The following STRBP variants were observed in gnomAD, a reference collection of about 807,000 sequenced individuals.
STRBP encodes spermatid perinuclear RNA binding protein.
STRBP carries 13 observed loss-of-function variants against 80.1 expected under a neutral mutation model. That is an observed-to-expected ratio of 0.16 (90% CI 0.11 to 0.26). The LOEUF (loss-of-function observed/expected upper bound fraction) is 0.26. STRBP is among the 10% of genes least tolerant of loss of function. The probability of loss-of-function intolerance (pLI) is 1.00; values close to 1 mark genes in which losing one functional copy is unlikely to be tolerated. For missense variants in STRBP, 485 were observed against 815.2 expected (o/e 0.59, Z 4.93); for synonymous variants, 284 against 291.2 (o/e 0.98, Z 0.25).
chr9:123,128,844 C>T (rs968873294), intron 17 of STRBP, among the ~76,000 whole-genome samples: 2 of 152,206 alleles, frequency 1.3e-5, no homozygotes, highest in Non-Finnish European at 2.9e-5. Context: ...GCTGATATTT[C>T]AATTTCTGGC....
At chr9:123,177,237 C>G (rs2038259605) in intron 4 of STRBP, among the ~76,000 whole-genome samples, 1 of 152,160 alleles carries the variant, frequency 6.6e-6, no homozygotes, top group Non-Finnish European at 1.5e-5. Flanking sequence ...AACGGAAAGA[C>G]TGTACATAGA....
intron 14 of STRBP, among the ~76,000 whole-genome samples, chr9:123,138,027 CAT>C (rs1335805434): frequency 1.3e-5 from 2 of 152,076 alleles, no homozygotes; most frequent in African/African-American, 4.8e-5. Context: ...TGAGTCGAGA[CAT>C]AAAAATATCT....
chr9:123,128,770 C>G (rs1459580436), intron 17 of STRBP, among the ~76,000 whole-genome samples: 1 of 152,202 alleles, frequency 6.6e-6, no homozygotes. Flanking sequence ...AGGCTGAGGT[C>G]TCAATGGCCA....
At chr9:123,157,974 G>T in intron 11 of STRBP, 38 bp downstream of exon 11, 1 of 1,443,064 alleles carries the variant, frequency 6.9e-7, no homozygotes, top group Non-Finnish European at 9.7e-7. Flanking sequence ...CTCTACCAGT[G>T]CCAACCCCCA....
chr9:123,268,124 A>T (rs1331203082), intron 1 of STRBP, among the ~76,000 whole-genome samples: 1 of 146,210 alleles, frequency 6.8e-6, no homozygotes, highest in Admixed American at 6.7e-5. Context: ...GCGTCCCCCA[A>T]CCCTGCCCAC....
At position 123,184,229 on chromosome 9, in the gene STRBP, T is replaced by A; in HGVS notation, c.-95A>T. On this transcript the variant is annotated 5_prime_UTR_variant, in exon 3 of 19. It removes an upstream start codon present in the reference 5' UTR. Coordinates refer to ENST00000348403, the MANE Select transcript of STRBP (RefSeq NM_018387.5). ...TGTTTTGTGTAACAATACCTCCTCA[T>A]AAGCCTGAGTCCCCTGACAGCTCAG... 1.6e-6 allele frequency: 2 copies of A among 1,267,154 alleles called. No individual in the cohort carries two copies. Among genetic ancestry groups the A allele is most frequent in the Non-Finnish European group, 2.2e-6 (2 of 891,772 alleles). 78.5% of individuals were successfully genotyped at this position (1,267,154 alleles called of 1,614,324 possible).
intron 6 of STRBP, among the ~76,000 whole-genome samples, chr9:123,165,442 G>A (rs2037713941): frequency 6.6e-6 from 1 of 152,052 alleles, no homozygotes; most frequent in Non-Finnish European, 1.5e-5. Flanking sequence ...TGCCAAGAAG[G>A]GCGAGTTCAC....
In STRBP at chr9:123,229,625, A is replaced by T. The variant is rs896912947; in HGVS notation, c.-165+7205T>A. Among the ~76,000 whole-genome samples, 7 of 152,224 alleles carry T rather than the reference A, an allele frequency of 4.6e-5. 1 individual carries two copies. Among genetic ancestry groups the T allele is most frequent in the African/African-American group, 7.2e-5 (3 of 41,470 alleles). On this transcript the variant is annotated intron_variant, in intron 2 of 18. Coordinates refer to ENST00000348403, the MANE Select transcript of STRBP (RefSeq NM_018387.5). ...GTTGATAGAGGATAATATCTAATAC[A>T]CAAGTGAAGAGCTTGTTTTTGATAG...
chr9:123,167,288 T>C (rs1428059712), intron 6 of STRBP, among the ~76,000 whole-genome samples: 1 of 152,098 alleles, frequency 6.6e-6, no homozygotes, highest in Non-Finnish European at 1.5e-5. Flanking sequence ...ATGGATTTTT[T>C]TTTAACTTTG....
chr9:123,207,467 T>G (rs2039558981), intron 2 of STRBP, among the ~76,000 whole-genome samples: 1 of 152,152 alleles, frequency 6.6e-6, no homozygotes, highest in South Asian at 2.1e-4. Context: ...TTACATATCA[T>G]TTATGGAGAG....
At chr9:123,156,811 G>A (rs983676115) in intron 11 of STRBP, among the ~76,000 whole-genome samples, 1 of 151,874 alleles carries the variant, frequency 6.6e-6, no homozygotes, top group Admixed American at 6.6e-5. Flanking sequence ...CACTATTTTT[G>A]TGATATCTAA....
intron 11 of STRBP, among the ~76,000 whole-genome samples, chr9:123,148,644 G>A (rs1463896359): frequency 6.6e-6 from 1 of 152,078 alleles, no homozygotes; most frequent in Non-Finnish European, 1.5e-5. Flanking sequence ...TTAGAAATCT[G>A]ATTATCCAAC....
rs143928249 is a variant in STRBP at position 123,194,334 on chromosome 9, CAA to C, written c.-164-10038_-164-10037del. 2.6e-5 allele frequency among the ~76,000 whole-genome samples: 4 copies of C among 152,222 alleles called. No homozygotes were observed. In the East Asian group the frequency reaches 7.7e-4, roughly 29 times the overall value. On this transcript the variant is annotated intron_variant, in intron 2 of 18. Coordinates refer to ENST00000348403, the MANE Select transcript of STRBP (RefSeq NM_018387.5). The stretch of plus-strand genomic sequence containing the variant: ...CCTATCTAATGCAAATTCCTGAACT[CAA>C]ACTCTACTGGATCCCACCTCCTTTT...
intron 2 of STRBP, among the ~76,000 whole-genome samples, chr9:123,191,210 C>A (rs1267288212): frequency 6.6e-6 from 1 of 152,088 alleles, no homozygotes; most frequent in East Asian, 1.9e-4. Flanking sequence ...AGAGGGAGTG[C>A]CATTTTAACA....
intron 2 of STRBP, among the ~76,000 whole-genome samples, chr9:123,232,799 C>G (rs1221673691): frequency 6.6e-6 from 1 of 152,186 alleles, no homozygotes; most frequent in Non-Finnish European, 1.5e-5. Context: ...CAGCCCTTCC[C>G]AAAGCCCCAC....
chr9:123,161,368 A>G (rs1330404708), intron 6 of STRBP, among the ~76,000 whole-genome samples: 1 of 152,250 alleles, frequency 6.6e-6, no homozygotes, highest in African/African-American at 2.4e-5. Context: ...TTAAGCATCT[A>G]TAACATTACA....
At chr9:123,154,329 T>C (rs769650770) in intron 11 of STRBP, among the ~76,000 whole-genome samples, 15 of 152,158 alleles carry the variant, frequency 9.9e-5, no homozygotes, top group Non-Finnish European at 1.8e-4. Flanking sequence ...AAGAAGCCAG[T>C]CACGAAAGAT....
intron 1 of STRBP, among the ~76,000 whole-genome samples, chr9:123,255,498 A>C (rs2041009904): frequency 6.6e-6 from 1 of 152,242 alleles, no homozygotes. Context: ...GCAGTAAAGG[A>C]GATTTCAAAG....
chr9:123,133,517 T>C (rs868396951), intron 16 of STRBP, among the ~76,000 whole-genome samples: 40 of 152,072 alleles, frequency 2.6e-4, no homozygotes, highest in Middle Eastern at 3.4e-3. Flanking sequence ...TGTGTATGTA[T>C]GTATCCACTA....
Sources: gnomAD v4.1 joint callset for allele counts (sites outside exome capture counted in the v4.1 genomes callset) on GRCh38, gnomAD v4.1.1 for gene constraint, MANE v1.5 for transcripts, NCBI Gene and HGNC (gene_info 2026-07-23, HGNC 2026-07-21) for gene names.